VPS13C: variants seen among roughly 807,000 people sequenced by gnomAD.
VPS13C encodes the protein vacuolar protein sorting 13 homolog C.
VPS13C carries 358 observed loss-of-function variants against 456.8 expected under a neutral mutation model. The ratio of observed to expected loss-of-function variants is 0.78; its 90% CI spans 0.72 to 0.86. VPS13C has a LOEUF of 0.86. Among genes scored for constraint, VPS13C ranks in the 40% least tolerant of loss-of-function variants. The pLI is 0.00. For synonymous variants in VPS13C, 1,578 were observed against 1,486.7 expected (o/e 1.06, Z -1.41); for missense variants, 4,818 against 4,385.4 (o/e 1.10, Z -2.79).
In VPS13C at chr15:62,012,221, G is replaced by GACACACACACAC. The variant is rs67220908; in HGVS notation, c.826-69_826-58dup. 1,539 of 511,190 alleles carry GACACACACACAC rather than the reference G, an allele frequency of 3.0e-3. 23 individuals are homozygous for GACACACACACAC. The African/African-American group carries it at 0.03, about 10-fold the overall frequency. 31.7% of individuals were successfully genotyped at this position (511,190 alleles called of 1,614,324 possible). A position where few individuals can be genotyped will look rare whatever the true frequency, so the allele number is the denominator to read the frequency against. ...GAAAATGCACACATATTCAGACTCA[G>GACACACACACAC]ACACACACACACACACACACACACA... On this transcript the variant is annotated intron_variant, in intron 11 of 84. Coordinates refer to ENST00000644861, the MANE Select transcript of VPS13C (RefSeq NM_020821.3).
chr15:62,031,378 A>G (rs983455192), intron 5 of VPS13C, among the ~76,000 whole-genome samples: 1 of 152,004 alleles, frequency 6.6e-6, no homozygotes. Flanking sequence ...AGTATAATCA[A>G]TAACTATTAA....
At chr15:61,911,148 T>C (rs141150821) in intron 63 of VPS13C, among the ~76,000 whole-genome samples, 1 of 152,300 alleles carries the variant, frequency 6.6e-6, no homozygotes, top group Middle Eastern at 3.4e-3. Context: ...GCTGGTTTGG[T>C]TGAAAATTCA....
At chr15:61,875,586 A>G in intron 76 of VPS13C, 146 bp downstream of exon 76, 1 of 636,720 alleles carries the variant, frequency 1.6e-6, no homozygotes, top group Non-Finnish European at 2.7e-6. Context: ...TGTACCTTTA[A>G]ATAAAAATAT....
rs541655352 is a variant in VPS13C at position 61,938,238 on chromosome 15, C to T, written c.5602-1488G>A. ...ATTACCACAGCTTTCTGAAGGGCAA[C>T]TAAGTTCACCCCTCTTTCACTTTGC... On this transcript the variant is annotated intron_variant, in intron 47 of 84. Coordinates refer to ENST00000644861, the MANE Select transcript of VPS13C (RefSeq NM_020821.3). Among the ~76,000 whole-genome samples the T allele has an allele frequency of 5.3e-5, 8 of 150,198 alleles. No individual in the cohort carries two copies. In the East Asian group the frequency reaches 1.6e-3, roughly 29 times the overall value.
chr15:61,863,266 T>C (rs1894322352), intron 82 of VPS13C, among the ~76,000 whole-genome samples, 174 bp downstream of exon 82: 1 of 152,052 alleles, frequency 6.6e-6, no homozygotes, highest in Non-Finnish European at 1.5e-5. Context: ...GAAAAGAAAA[T>C]CTCAAAGGAC....
intron 28 of VPS13C, among the ~76,000 whole-genome samples, chr15:61,968,075 C>A (rs2045435041): frequency 6.6e-6 from 1 of 151,904 alleles, no homozygotes; most frequent in Admixed American, 6.6e-5. Flanking sequence ...TTATATTTTT[C>A]CCTCAAGACA....
At chr15:62,056,627 G>A (rs1249128904) in intron 1 of VPS13C, among the ~76,000 whole-genome samples, 1 of 152,130 alleles carries the variant, frequency 6.6e-6, no homozygotes. Flanking sequence ...ACCTCTTGTG[G>A]AGGGCCTGAC....
At chr15:61,945,563 G>A (rs2044575281) in intron 45 of VPS13C, 152 bp downstream of exon 45, 1 of 506,052 alleles carries the variant, frequency 2.0e-6, no homozygotes, top group Non-Finnish European at 3.3e-6. Flanking sequence ...TTAACATCAT[G>A]AAAAGGATTT....
rs2140905746 is a variant in VPS13C at position 61,881,734 on chromosome 15, T to G, written c.9706+13A>C. ...AATAAGGTATATCTATGTCACAACT[T>G]ATTTTATTTTACCTGAATCTAAAGC... On this transcript the variant is annotated intron_variant, in intron 70 of 84. Coordinates refer to ENST00000644861, the MANE Select transcript of VPS13C (RefSeq NM_020821.3). 6.2e-7 allele frequency: 1 copy of G among 1,607,920 alleles called. No homozygotes were observed. Among genetic ancestry groups the G allele is most frequent in the South Asian group, 1.1e-5 (1 of 89,426 alleles).
chr15:62,002,183 G>A (rs1224831690), intron 15 of VPS13C, among the ~76,000 whole-genome samples: 1 of 152,122 alleles, frequency 6.6e-6, no homozygotes, highest in Non-Finnish European at 1.5e-5. Flanking sequence ...AGCACCTGTT[G>A]TTTCCTGACG....
chr15:62,012,593 G>C (rs947858362), intron 11 of VPS13C, among the ~76,000 whole-genome samples: 23 of 151,858 alleles, frequency 1.5e-4, no homozygotes, highest in African/African-American at 5.6e-4. Flanking sequence ...ACATGGCTAA[G>C]ACTGGTTTAG....
intron 45 of VPS13C, among the ~76,000 whole-genome samples, chr15:61,943,108 G>A (rs1246105734): frequency 6.6e-6 from 1 of 152,102 alleles, no homozygotes; most frequent in Non-Finnish European, 1.5e-5. Context: ...ACTGCTGAAA[G>A]AAATCACAGA....
chr15:62,052,592 G>A (rs1292688439), intron 1 of VPS13C, among the ~76,000 whole-genome samples: 1 of 142,066 alleles, frequency 7.0e-6, no homozygotes, highest in Admixed American at 7.4e-5. Flanking sequence ...AGAATGGCGT[G>A]AACCCAGGAG....
chr15:61,921,327 A>G (rs1251063764), intron 55 of VPS13C, among the ~76,000 whole-genome samples: 1 of 152,080 alleles, frequency 6.6e-6, no homozygotes, highest in African/African-American at 2.4e-5. Context: ...ATGCTACGAC[A>G]ATTTCTTAAC....
At chr15:61,985,210 T>A (rs2046008447) in intron 18 of VPS13C, among the ~76,000 whole-genome samples, 1 of 152,172 alleles carries the variant, frequency 6.6e-6, no homozygotes. Context: ...AATTGTCCAC[T>A]CAAATAGGAT....
Position 61,962,446 on chromosome 15 carries a change from T to A in VPS13C, c.3528A>T (p.Lys1176Asn), listed in dbSNP as rs763566365. 6.2e-7 allele frequency: 1 copy of A among 1,611,988 alleles called. No homozygotes were observed. Residue 1176 changes from lysine (K) to asparagine (N), a missense_variant, in exon 34 of 85, where the codon AAA becomes AAT. Coordinates refer to ENST00000644861, the MANE Select transcript of VPS13C (RefSeq NM_020821.3). Reference protein sequence around the residue: ...TEGDLYTDMSKVDGVLSLNVG... With the variant: ...TEGDLYTDMSNVDGVLSLNVG... ...CATTCAGAGACAGCACACCATCCACTTTGGACATGTCAGTATACAAATCCC... is the reference window on the plus strand; with the variant it reads ...CATTCAGAGACAGCACACCATCCACATTGGACATGTCAGTATACAAATCCC...
At position 61,951,824 on chromosome 15, in the gene VPS13C, C is replaced by T. The variant is rs2044805414; in HGVS notation, c.4456G>A (p.Asp1486Asn). The change falls in exon 39 of 85, where the codon GAC (aspartate) becomes AAC (asparagine). Residue 1486 changes from aspartate to asparagine, a missense_variant and splice_region_variant. By Grantham distance (23) the Asp-to-Asn change is conservative (BLOSUM62 1). Coordinates refer to ENST00000644861, the MANE Select transcript of VPS13C (RefSeq NM_020821.3). ...TACACAGACAATATTTCACACTTAC[C>T]AGTGAAATCAAAGCACTGCATACTA... The part of the protein sequence containing the change: ...KISMQCFDFT[D>N]SKGEPLHIIN... 25 of 1,606,290 alleles carry T rather than the reference C, an allele frequency of 1.6e-5. No homozygotes were observed. The highest frequency in any genetic ancestry group is 2.0e-5 in the Non-Finnish European group (23 of 1,176,380).
At position 61,957,655 on chromosome 15, in the gene VPS13C, G is replaced by A. The variant is rs570169724; in HGVS notation, c.4165+953C>T. On this transcript the variant is annotated intron_variant, in intron 37 of 84. Coordinates refer to ENST00000644861, the MANE Select transcript of VPS13C (RefSeq NM_020821.3). Reference sequence around the variant, plus strand: ...TGTCAAAATCTTAAATTAGTCTATCGAAATTATTTGCTGACCTAATTGTCA... The same window carrying A: ...TGTCAAAATCTTAAATTAGTCTATCAAAATTATTTGCTGACCTAATTGTCA... Among the ~76,000 whole-genome samples the A allele has an allele frequency of 2.1e-4, 32 of 152,072 alleles. No individual in the cohort carries two copies. The South Asian group carries it at 6.2e-3, about 30-fold the overall frequency.
At position 61,934,402 on chromosome 15, in the gene VPS13C, T is replaced by A. The variant is rs891729361; in HGVS notation, c.5756-71A>T. ...TAAATATTTTTAAATATGAGATAAT[T>A]TCTTATTCTAAATTTATATGACGCT... On this transcript the variant is annotated intron_variant, in intron 48 of 84. Coordinates refer to ENST00000644861, the MANE Select transcript of VPS13C (RefSeq NM_020821.3). 5.0e-6 allele frequency: 4 copies of A among 794,684 alleles called. No homozygotes were observed. The African/African-American group carries it at 7.2e-5, about 14-fold the overall frequency. 49.2% of individuals were successfully genotyped at this position (794,684 alleles called of 1,614,324 possible).
Sources: gnomAD v4.1 joint callset for allele counts (sites outside exome capture counted in the v4.1 genomes callset) on GRCh38, gnomAD v4.1.1 for gene constraint, MANE v1.5 for transcripts, NCBI Gene and HGNC (gene_info 2026-07-23, HGNC 2026-07-21) for gene names.